The following GTF2A1 variants were observed in gnomAD, a reference collection of about 807,000 sequenced individuals.
The protein encoded by GTF2A1 is general transcription factor IIA subunit 1.
Under a neutral mutation model 54.1 loss-of-function variants are expected in GTF2A1, and 12 were observed. The observed-to-expected ratio is 0.22, with a 90% CI of 0.14 to 0.36. GTF2A1 has a LOEUF of 0.36. GTF2A1 is among the 10% of genes least tolerant of loss of function. The pLI is 1.00. For missense variants in GTF2A1, 335 were observed against 442.2 expected (o/e 0.76, Z 2.17); for synonymous variants, 145 against 152.0 (o/e 0.95, Z 0.34).
chr14:81,215,924 G>T (rs950623650), intron 2 of GTF2A1, among the ~76,000 whole-genome samples: 6 of 152,188 alleles, frequency 3.9e-5, no homozygotes, highest in African/African-American at 1.4e-4. Flanking sequence ...AGTCCCAGGG[G>T]TGGGAGGATG....
chr14:81,204,558 A>C (rs1410545172), intron 2 of GTF2A1, among the ~76,000 whole-genome samples: 1 of 152,166 alleles, frequency 6.6e-6, no homozygotes, highest in Non-Finnish European at 1.5e-5. Context: ...ACAAAACATA[A>C]ATTCATTTAC....
chr14:81,195,469 T>C (rs1297969233), intron 6 of GTF2A1, among the ~76,000 whole-genome samples: 1 of 150,978 alleles, frequency 6.6e-6, no homozygotes, highest in Non-Finnish European at 1.5e-5. Context: ...CCATCTCTAC[T>C]AAAAATACAA....
At chr14:81,183,023 T>C (rs1246633373) in intron 8 of GTF2A1, among the ~76,000 whole-genome samples, 1 of 152,228 alleles carries the variant, frequency 6.6e-6, no homozygotes, top group Non-Finnish European at 1.5e-5. Flanking sequence ...TATTTTTCCA[T>C]ACCGACTATC....
At chr14:81,219,591 G>A (rs1234445567) in intron 1 of GTF2A1, among the ~76,000 whole-genome samples, 2 of 152,224 alleles carry the variant, frequency 1.3e-5, no homozygotes, top group Non-Finnish European at 2.9e-5. Flanking sequence ...GGGCGGCCGC[G>A]GGCTGGTCTG....
At chr14:81,215,203 T>C (rs1276330690) in intron 2 of GTF2A1, among the ~76,000 whole-genome samples, 7 of 152,226 alleles carry the variant, frequency 4.6e-5, no homozygotes, top group Non-Finnish European at 7.3e-5. Flanking sequence ...AATATCAACA[T>C]TGAGTCCTCA....
At position 81,176,075 on chromosome 14, in the gene GTF2A1, T is replaced by G. The variant is rs1207151411; in HGVS notation, c.*4148A>C. On this transcript the variant is annotated 3_prime_UTR_variant, in exon 9 of 9. Coordinates refer to ENST00000553612, the MANE Select transcript of GTF2A1 (RefSeq NM_015859.4). ...ATTAACAATGTAAAGCATTTTCCTT[T>G]CTAAATTGTATTTTATTCAATTATC... 4 of 152,188 alleles carry G rather than the reference T, an allele frequency of 2.6e-5. No homozygotes were observed. The allele number at this position is 152,188 out of a possible 1,614,324, so 9.4% of individuals were successfully genotyped here.
intron 7 of GTF2A1, among the ~76,000 whole-genome samples, chr14:81,191,834 T>C (rs1245843116): frequency 2.6e-5 from 4 of 152,168 alleles, no homozygotes; most frequent in Non-Finnish European, 5.9e-5. Flanking sequence ...TAAACTATGT[T>C]TTCTTCAGAA....
At chr14:81,195,249 C>T (rs1000903846) in intron 6 of GTF2A1, among the ~76,000 whole-genome samples, 2 of 149,926 alleles carry the variant, frequency 1.3e-5, no homozygotes, top group African/African-American at 4.9e-5. Context: ...AAATCATGGA[C>T]AGTATGAACT....
At chr14:81,217,919 A>C (rs1280885457) in intron 1 of GTF2A1, among the ~76,000 whole-genome samples, 1 of 152,212 alleles carries the variant, frequency 6.6e-6, no homozygotes, top group Non-Finnish European at 1.5e-5. Context: ...TTCACTCACT[A>C]ACCTGCTTTA....
At chr14:81,206,449 C>G (rs754442128) in intron 2 of GTF2A1, among the ~76,000 whole-genome samples, 30 of 152,178 alleles carry the variant, frequency 2.0e-4, no homozygotes, top group Non-Finnish European at 4.0e-4. Flanking sequence ...AACACTGTTA[C>G]AGGCATTGAG....
intron 1 of GTF2A1, 67 bp downstream of exon 1, chr14:81,220,422 C>G: frequency 4.2e-6 from 5 of 1,177,332 alleles, no homozygotes; most frequent in Non-Finnish European, 3.6e-6. Context: ...CGTCCCCGCC[C>G]CCGCCCGGTC....
intron 1 of GTF2A1, among the ~76,000 whole-genome samples, chr14:81,216,890 T>C (rs1893499972): frequency 6.6e-6 from 1 of 152,208 alleles, no homozygotes; most frequent in Non-Finnish European, 1.5e-5. Flanking sequence ...ACCTCACCAC[T>C]GTATCTTAGA....
chr14:81,200,695 G>A (rs1893086851), intron 4 of GTF2A1, among the ~76,000 whole-genome samples: 2 of 151,560 alleles, frequency 1.3e-5, no homozygotes, highest in Admixed American at 1.3e-4. Context: ...AGTTACATAG[G>A]TTAAAAGATC....
chr14:81,183,485 T>C (rs1168072941), intron 8 of GTF2A1, among the ~76,000 whole-genome samples: 1 of 152,196 alleles, frequency 6.6e-6, no homozygotes, highest in Non-Finnish European at 1.5e-5. Flanking sequence ...GGCCAACTAA[T>C]CCACACAGTC....
At position 81,175,473 on chromosome 14, in the gene GTF2A1, A is replaced by G. The variant is rs1392440896; in HGVS notation, c.*4750T>C. On this transcript the variant is annotated 3_prime_UTR_variant, in exon 9 of 9. Transcript: ENST00000553612. Reference sequence around the variant, plus strand: ...AAGATTTGCTGGCAATAAATAAGATATCTTTATTATGATTATGTTAATAGT... The same window carrying G: ...AAGATTTGCTGGCAATAAATAAGATGTCTTTATTATGATTATGTTAATAGT... The G allele has an allele frequency of 2.0e-5, 3 of 152,212 alleles. No homozygotes were observed. In the East Asian group the frequency reaches 5.8e-4, roughly 29 times the overall value. 9.4% of individuals were successfully genotyped at this position (152,212 alleles called of 1,614,324 possible).
Position 81,196,116 on chromosome 14 carries a change from T to C in GTF2A1, c.604A>G (p.Ile202Val). The C allele has an allele frequency of 6.2e-7, 1 of 1,613,504 alleles. No individual in the cohort carries two copies. The highest frequency in any genetic ancestry group is 8.5e-7 in the Non-Finnish European group (1 of 1,179,408). ...MQPGGVQAPV[I>V]QQVLAPLPGG... ...ATAGAAGATTATTTTACCTGCTGTA[T>C]AACAGGAGCTTGTACTCCACCAGGC... Residue 202 changes from isoleucine (I) to valine (V), a missense_variant, in exon 6 of 9, where the codon ATA (isoleucine) becomes GTA (valine). Physicochemically the swap from Ile to Val is conservative, Grantham distance 29 (BLOSUM62 3). Around this residue, in one of 2 missense-constraint regions of GTF2A1, gnomAD observed 306 missense variants for 360.4 expected, o/e 0.85. Coordinates refer to ENST00000553612, the MANE Select transcript of GTF2A1 (RefSeq NM_015859.4).
At chr14:81,219,291 AAAC>A (rs1275457743) in intron 1 of GTF2A1, among the ~76,000 whole-genome samples, 2 of 152,152 alleles carry the variant, frequency 1.3e-5, no homozygotes, top group African/African-American at 2.4e-5. Context: ...ACCTAGAAAT[AAAC>A]TGAGCTCTGC....
chr14:81,218,205 A>G (rs1245386576), intron 1 of GTF2A1, among the ~76,000 whole-genome samples: 1 of 152,160 alleles, frequency 6.6e-6, no homozygotes, highest in Non-Finnish European at 1.5e-5. Context: ...AGTAAACTAG[A>G]TGGTGTTTTG....
chr14:81,185,449 T>C, intron 8 of GTF2A1, 82 bp downstream of exon 8: 1 of 773,350 alleles, frequency 1.3e-6, no homozygotes, highest in Non-Finnish European at 2.3e-6. Context: ...GCTGCCCAAA[T>C]GTTTCAATAA....
Sources: allele counts gnomAD v4.1 joint callset (sites outside exome capture counted in the v4.1 genomes callset), GRCh38; gene constraint gnomAD v4.1.1; regional missense constraint gnomAD v4.1.1; transcripts MANE v1.5; gene names NCBI Gene and HGNC (gene_info 2026-07-23, HGNC 2026-07-21).